SDK1: variants seen among roughly 807,000 people sequenced by gnomAD.
The protein encoded by SDK1 is sidekick cell adhesion molecule 1, also known as protein sidekick-1.
SDK1 carries 157 observed loss-of-function variants against 245.5 expected under a neutral mutation model. The ratio of observed to expected loss-of-function variants is 0.64; its 90% CI spans 0.56 to 0.73. The LOEUF (loss-of-function observed/expected upper bound fraction) is 0.73. SDK1 is among the 30% of genes least tolerant of loss of function. The pLI, the probability that SDK1 is intolerant of heterozygous loss-of-function variation, is 0.00. For missense variants in SDK1, 3,583 were observed against 3,002.3 expected, an observed-to-expected ratio of 1.19 and a Z score of -4.52; for synonymous variants, 1,647 against 1,278.5, an observed-to-expected ratio of 1.29 and a Z score of -6.15.
intron 32 of SDK1, among the ~76,000 whole-genome samples, 185 bp from the exon 33 acceptor site, chr7:4,174,037 C>T (rs374119944): frequency 1.3e-5 from 2 of 152,216 alleles, no homozygotes; most frequent in Admixed American, 1.3e-4. Context: ...GAGAGTATCT[C>T]CACAGCTTGG....
intron 1 of SDK1, among the ~76,000 whole-genome samples, chr7:3,352,066 C>T (rs1780673582): frequency 6.6e-6 from 1 of 150,958 alleles, no homozygotes; most frequent in Non-Finnish European, 1.5e-5. Flanking sequence ...CAAAAGATAA[C>T]AGGAAAATCC....
chr7:3,496,918 G>C (rs1288181741), intron 1 of SDK1, among the ~76,000 whole-genome samples: 2 of 152,214 alleles, frequency 1.3e-5, no homozygotes, highest in South Asian at 4.2e-4. Context: ...GAGGTCACCT[G>C]ATTTAATTGT....
chr7:3,950,874 T>C, intron 5 of SDK1, 49 bp from the exon 6 acceptor site: 1 of 1,383,064 alleles, frequency 7.2e-7, no homozygotes, highest in Non-Finnish European at 9.9e-7. Context: ...CGGCGGGGGG[T>C]GCTCCTGTAC....
At chr7:3,588,504 TGA>T (rs1780759194) in intron 1 of SDK1, among the ~76,000 whole-genome samples, 1 of 152,018 alleles carries the variant, frequency 6.6e-6, no homozygotes, top group Non-Finnish European at 1.5e-5. Context: ...CTGTGAGGTG[TGA>T]GAGGATGTTG....
At chr7:4,001,493 T>C (rs956368757) in intron 14 of SDK1, among the ~76,000 whole-genome samples, 20 of 152,232 alleles carry the variant, frequency 1.3e-4, no homozygotes, top group African/African-American at 4.8e-4. Flanking sequence ...GTGCCCTGGA[T>C]GTAAGCAGTC....
At chr7:3,559,796 A>C (rs891993679) in intron 1 of SDK1, among the ~76,000 whole-genome samples, 1 of 151,832 alleles carries the variant, frequency 6.6e-6, no homozygotes, top group Admixed American at 6.6e-5. Flanking sequence ...AACGGAAACA[A>C]GCACAGATGA....
intron 4 of SDK1, among the ~76,000 whole-genome samples, chr7:3,689,889 T>G (rs1784397998): frequency 6.6e-6 from 1 of 152,250 alleles, no homozygotes; most frequent in African/African-American, 2.4e-5. Context: ...TTAGAAATGC[T>G]TTGACAGCCA....
intron 4 of SDK1, among the ~76,000 whole-genome samples, chr7:3,694,702 C>T (rs531347838): frequency 3.9e-5 from 6 of 152,208 alleles, no homozygotes; most frequent in Admixed American, 1.3e-4. Context: ...GAAAAACATC[C>T]GTCTCTGGGC....
At chr7:3,926,786 C>T (rs1353003297) in intron 5 of SDK1, among the ~76,000 whole-genome samples, 3 of 152,242 alleles carry the variant, frequency 2.0e-5, no homozygotes, top group Admixed American at 1.3e-4. Flanking sequence ...GTGGCATCTG[C>T]AGACCTGGCT....
intron 4 of SDK1, among the ~76,000 whole-genome samples, chr7:3,700,751 G>C (rs1360331210): frequency 2.0e-5 from 3 of 152,166 alleles, no homozygotes; most frequent in Non-Finnish European, 4.4e-5. Flanking sequence ...AAAATGTAGA[G>C]ACAATAGAGA....
chr7:3,763,415 G>C (rs1331075971), intron 4 of SDK1, among the ~76,000 whole-genome samples: 1 of 152,012 alleles, frequency 6.6e-6, no homozygotes, highest in Non-Finnish European at 1.5e-5. Context: ...TCACCACCTA[G>C]ATTCTGCAAC....
intron 4 of SDK1, among the ~76,000 whole-genome samples, chr7:3,687,527 G>A (rs747451394): frequency 4.6e-5 from 7 of 152,182 alleles, no homozygotes; most frequent in Non-Finnish European, 1.0e-4. Context: ...AATGTGGGAC[G>A]CTGCTTCGCA....
intron 20 of SDK1, 123 bp downstream of exon 20, chr7:4,068,059 C>T (rs1780011736): frequency 2.9e-6 from 2 of 685,658 alleles, no homozygotes; most frequent in African/African-American, 1.8e-5. Flanking sequence ...TCAAGAGGAA[C>T]TGAAAAGTCT....
At chr7:3,861,801 C>T (rs1227572690) in intron 5 of SDK1, among the ~76,000 whole-genome samples, 3 of 152,040 alleles carry the variant, frequency 2.0e-5, no homozygotes, top group Non-Finnish European at 4.4e-5. Context: ...CAATGTGAAC[C>T]TAAGTTGAAA....
Position 4,265,703 on chromosome 7 carries a change from C to G in SDK1, c.*319C>G, listed in dbSNP as rs1207046075. The G allele has an allele frequency of 3.6e-6, 4 of 1,125,628 alleles. No homozygotes were observed. The highest frequency in any genetic ancestry group is 4.3e-6 in the Non-Finnish European group (4 of 924,008). The allele number at this position is 1,125,628 out of a possible 1,614,324, so 69.7% of individuals were successfully genotyped here. ...CAGACCTCCCCAGCCCTGGGTTTCT[C>G]CGTCTTCAAGACCAACTAGGAAGGG... On this transcript the variant is annotated 3_prime_UTR_variant, in exon 45 of 45. Transcript: ENST00000404826.
intron 5 of SDK1, among the ~76,000 whole-genome samples, chr7:3,846,709 T>G (rs1180064447): frequency 6.6e-6 from 1 of 152,210 alleles, no homozygotes; most frequent in East Asian, 1.9e-4. Flanking sequence ...CAAGCTTGGC[T>G]CTGTTCTTGC....
rs1780923992 is a variant in SDK1 at position 4,158,653 on chromosome 7, AGTG to A, written c.4729+107_4729+109del. 21 of 759,860 alleles carry A rather than the reference AGTG, an allele frequency of 2.8e-5. No homozygotes were observed. The South Asian group carries it at 3.3e-4, about 12-fold the overall frequency. 47.1% of individuals were successfully genotyped at this position (759,860 alleles called of 1,614,324 possible). A position where few individuals can be genotyped will look rare whatever the true frequency, so the allele number is the denominator to read the frequency against. The stretch of plus-strand genomic sequence containing the variant: ...TTGAGCCAGAAAGGGGCCACCAGGG[AGTG>A]GTGGAAAGCAGTAGAATTCCATTAG... On this transcript the variant is annotated intron_variant, in intron 31 of 44. Coordinates refer to ENST00000404826, the MANE Select transcript of SDK1 (RefSeq NM_152744.4).
In SDK1 at chr7:3,410,578, CTTTTTTTT is replaced by C. The variant is rs776277920; in HGVS notation, c.298+108712_298+108719del. ...TCATAAGTGGCAGGTGAAATGATAT[CTTTTTTTT>C]TTTTTTTTTTTTTTTTTGGAGAAGG... On this transcript the variant is annotated intron_variant, in intron 1 of 44. Coordinates refer to ENST00000404826, the MANE Select transcript of SDK1 (RefSeq NM_152744.4). Among the ~76,000 whole-genome samples the C allele has an allele frequency of 3.8e-4, 31 of 82,064 alleles. No individual in the cohort carries two copies. The South Asian group carries it at 3.9e-3, about 10-fold the overall frequency. The allele number at this position is 82,064 out of a possible 152,430, so 53.8% of individuals were successfully genotyped here. A position where few individuals can be genotyped will look rare whatever the true frequency, so the allele number is the denominator to read the frequency against.
At position 3,387,511 on chromosome 7, in the gene SDK1, A is replaced by G. The variant is rs146399051; in HGVS notation, c.298+85627A>G. Among the ~76,000 whole-genome samples, 23 of 152,310 alleles carry G rather than the reference A, an allele frequency of 1.5e-4. No individual in the cohort carries two copies. The East Asian group carries it at 3.5e-3, about 23-fold the overall frequency. ...AACAGAATCTGACACTTCCAACATC[A>G]TGTAAGAGCTGCATATGCCAATCAC... On this transcript the variant is annotated intron_variant, in intron 1 of 44. Transcript: ENST00000404826.
Sources: allele counts gnomAD v4.1 joint callset (sites outside exome capture counted in the v4.1 genomes callset), GRCh38; gene constraint gnomAD v4.1.1; transcripts MANE v1.5; gene names NCBI Gene and HGNC (gene_info 2026-07-23, HGNC 2026-07-21).